Variants in MAN2A1 observed in about 807,000 individuals in gnomAD.
MAN2A1 encodes mannosidase alpha class 2A member 1.
MAN2A1 carries 76 observed loss-of-function variants against 142.6 expected under a neutral mutation model. The ratio of observed to expected loss-of-function variants is 0.53; its 90% CI spans 0.44 to 0.65. The LOEUF (loss-of-function observed/expected upper bound fraction) is 0.65, where lower values mean the gene tolerates loss of function less well. Ranked by LOEUF, MAN2A1 falls within the 30% of genes least tolerant of loss-of-function variation. MAN2A1 has a pLI of 0.00. For synonymous variants in MAN2A1, 559 were observed against 473.2 expected (o/e 1.18, Z -2.35); for missense variants, 1,311 against 1,365.1 (o/e 0.96, Z 0.62).
At position 109,819,764 on chromosome 5, in the gene MAN2A1, G is replaced by A. The variant is rs951535733; in HGVS notation, c.2205G>A (p.Leu735=). The change falls in exon 14 of 22, where the codon TTG becomes TTA. Residue 735 remains leucine, a synonymous_variant. Coordinates refer to ENST00000261483, the MANE Select transcript of MAN2A1 (RefSeq NM_002372.4). ...ATTCACATTTAGCTGATTATGTCTT[G>A]TATAAGAATAAAGTAGAAGATAGCG... is the stretch of plus-strand genomic sequence containing the variant. ...SSNSHLADYV[L]YKNKVEDSGI... is the part of the protein sequence containing the mutation. 6.2e-7 allele frequency: 1 copy of A among 1,610,958 alleles called. No homozygotes were observed. The highest frequency in any genetic ancestry group is 8.5e-7 in the Non-Finnish European group (1 of 1,177,782).
At chr5:109,729,866 C>A (rs975248562) in intron 4 of MAN2A1, among the ~76,000 whole-genome samples, 4 of 152,020 alleles carry the variant, frequency 2.6e-5, no homozygotes, top group Non-Finnish European at 5.9e-5. Context: ...GGTGCTCACG[C>A]CTGTAATTCC....
At chr5:109,844,195 G>A (rs527780359) in intron 17 of MAN2A1, among the ~76,000 whole-genome samples, 20 of 152,154 alleles carry the variant, frequency 1.3e-4, no homozygotes, top group African/African-American at 3.9e-4. Flanking sequence ...TAGTAAAACC[G>A]AATAACTAAA....
At chr5:109,725,696 T>C (rs774151082) in intron 3 of MAN2A1, among the ~76,000 whole-genome samples, 3 of 152,220 alleles carry the variant, frequency 2.0e-5, no homozygotes, top group South Asian at 2.1e-4. Context: ...CTCATGGTGG[T>C]ACTTAGTGTA....
chr5:109,783,232 A>G (rs1314757435), intron 9 of MAN2A1, among the ~76,000 whole-genome samples: 1 of 152,162 alleles, frequency 6.6e-6, no homozygotes, highest in Admixed American at 6.5e-5. Context: ...CATTAAAACA[A>G]ACCAAAAAAC....
intron 10 of MAN2A1, among the ~76,000 whole-genome samples, chr5:109,785,604 G>C (rs1361605140): frequency 6.6e-6 from 1 of 151,996 alleles, no homozygotes; most frequent in African/African-American, 2.4e-5. Flanking sequence ...AGATAACAGA[G>C]GACTTGGCAA....
chr5:109,840,606 T>C (rs935916767), intron 16 of MAN2A1: 1 of 486,736 alleles, frequency 2.1e-6, no homozygotes, highest in Non-Finnish European at 4.0e-6. Flanking sequence ...TTCTGCCTTT[T>C]CTGAGATGAA....
intron 15 of MAN2A1, among the ~76,000 whole-genome samples, chr5:109,821,119 G>T (rs1244196025): frequency 2.0e-5 from 3 of 152,110 alleles, no homozygotes; most frequent in Non-Finnish European, 4.4e-5. Flanking sequence ...TTACCAACAG[G>T]TGCACAATCC....
rs1249407851 is a variant in MAN2A1 at position 109,855,191 on chromosome 5, T to A, written c.3028T>A (p.Ser1010Thr). Residue 1010 changes from serine to threonine, a missense_variant, in exon 20 of 22, where the codon TCT (serine) becomes ACT (threonine). Transcript: ENST00000261483. ...TCCTTCTCTCCTTAGCCACATAACT[T>A]CTTCTCTCATGAATCATCCAGTCAT... ...SYPSLLSHIT[S>T]SLMNHPVIPM... The A allele has an allele frequency of 6.2e-7, 1 of 1,602,576 alleles. No individual in the cohort carries two copies. Among genetic ancestry groups the A allele is most frequent in the Non-Finnish European group, 8.5e-7 (1 of 1,176,536 alleles).
chr5:109,796,258 A>G (rs1446754400), intron 12 of MAN2A1, among the ~76,000 whole-genome samples: 2 of 152,182 alleles, frequency 1.3e-5, no homozygotes, highest in African/African-American at 4.8e-5. Context: ...CTTTAGAGAA[A>G]CCTAAGCTTG....
At chr5:109,738,772 CTT>C (rs201432889) in intron 4 of MAN2A1, among the ~76,000 whole-genome samples, 1 of 152,112 alleles carries the variant, frequency 6.6e-6, no homozygotes, top group Admixed American at 6.6e-5. Flanking sequence ...TTATTTGAGA[CTT>C]TGAGTATTTC....
chr5:109,800,841 A>G (rs7729249), intron 12 of MAN2A1, among the ~76,000 whole-genome samples: 84,065 of 151,960 alleles, frequency 0.55, 23,850 homozygotes, highest in East Asian at 0.9. Flanking sequence ...TAAACTAATA[A>G]CTAAAAATTG....
At chr5:109,836,451 C>T (rs562415183) in intron 16 of MAN2A1, among the ~76,000 whole-genome samples, 32 of 152,278 alleles carry the variant, frequency 2.1e-4, no homozygotes, top group South Asian at 8.3e-4. Context: ...CGAGGGAGCA[C>T]GCTTTTTGGT....
At chr5:109,754,453 TG>T (rs1486845470) in intron 4 of MAN2A1, among the ~76,000 whole-genome samples, 1 of 152,194 alleles carries the variant, frequency 6.6e-6, no homozygotes, top group African/African-American at 2.4e-5. Context: ...CAACTGAATC[TG>T]GGGCAAAGTA....
rs6891958 is a variant in MAN2A1 at position 109,700,803 on chromosome 5, C to G, written c.135+10251C>G. 7.2e-3 allele frequency among the ~76,000 whole-genome samples: 1,096 copies of G among 152,310 alleles called. 19 individuals are homozygous for G. Among genetic ancestry groups the G allele is most frequent in the African/African-American group, 0.025 (1,029 of 41,562 alleles). The stretch of plus-strand genomic sequence containing the variant: ...AGGATACCTGGGACATGCATCCTGA[C>G]TTATAATTCACTGGCCTTCCACTGT... On this transcript the variant is annotated intron_variant, in intron 1 of 21. Transcript: ENST00000261483.
At chr5:109,863,060 T>C (rs1019060998) in intron 20 of MAN2A1, 3 of 152,176 alleles carry the variant, frequency 2.0e-5, no homozygotes, top group South Asian at 2.1e-4. Context: ...AGAGCAAATG[T>C]GTTGCAGGAA....
chr5:109,848,553 T>C (rs1282457941), intron 19 of MAN2A1, among the ~76,000 whole-genome samples: 1 of 152,160 alleles, frequency 6.6e-6, no homozygotes, highest in African/African-American at 2.4e-5. Context: ...TTATCTAACA[T>C]CTACTCCCAC....
intron 5 of MAN2A1, among the ~76,000 whole-genome samples, chr5:109,765,281 C>T (rs571448161): frequency 6.6e-6 from 1 of 151,944 alleles, no homozygotes; most frequent in African/African-American, 2.4e-5. Flanking sequence ...ATTTCTTGAT[C>T]TTTATATTTT....
At chr5:109,780,650 T>G (rs1230001060) in intron 8 of MAN2A1, among the ~76,000 whole-genome samples, 1 of 152,188 alleles carries the variant, frequency 6.6e-6, no homozygotes, top group Non-Finnish European at 1.5e-5. Context: ...TTTTAATATC[T>G]GTTTACAAGA....
rs537881359 is a variant in MAN2A1, at chr5:109,690,818, A to G, written c.135+266A>G. On this transcript the variant is annotated intron_variant, in intron 1 of 21. Coordinates refer to ENST00000261483, the MANE Select transcript of MAN2A1 (RefSeq NM_002372.4). Reference sequence around the variant, plus strand: ...AAAGTGGCCATGTTCCGGCATTCGCACCCGGCCTGTTGGGGTGGCTTCGGG... The same window carrying G: ...AAAGTGGCCATGTTCCGGCATTCGCGCCCGGCCTGTTGGGGTGGCTTCGGG... Among the ~76,000 whole-genome samples the G allele has an allele frequency of 1.7e-4, 26 of 152,034 alleles. No homozygotes were observed. In the South Asian group the frequency reaches 5.2e-3, roughly 30 times the overall value.
Sources: gnomAD v4.1 joint callset for allele counts (sites outside exome capture counted in the v4.1 genomes callset) on GRCh38, gnomAD v4.1.1 for gene constraint, MANE v1.5 for transcripts, NCBI Gene and HGNC (gene_info 2026-07-23, HGNC 2026-07-21) for gene names.